Variants in KCNAB2 observed in about 807,000 individuals in gnomAD.
KCNAB2 encodes voltage-gated potassium channel subunit beta-2.
Under a neutral mutation model 63.6 loss-of-function variants are expected in KCNAB2, and 29 were observed. The ratio of observed to expected loss-of-function variants is 0.46; its 90% CI spans 0.34 to 0.62. KCNAB2 has a LOEUF of 0.62. Among genes scored for constraint, KCNAB2 ranks in the 20% least tolerant of loss-of-function variants. The pLI is 0.01. For missense variants in KCNAB2, 359 were observed against 563.9 expected (o/e 0.64, Z 3.68); for synonymous variants, 222 against 224.2 (o/e 0.99, Z 0.09).
chr1:6,057,536 G>A (rs1305454862), intron 2 of KCNAB2, among the ~76,000 whole-genome samples: 1 of 152,158 alleles, frequency 6.6e-6, no homozygotes, highest in African/African-American at 2.4e-5. Context: ...GGAAAGAGGG[G>A]TCCCCAAGGA....
At chr1:6,062,333 G>A (rs1373791730) in intron 2 of KCNAB2, among the ~76,000 whole-genome samples, 4 of 151,522 alleles carry the variant, frequency 2.6e-5, no homozygotes, top group Non-Finnish European at 4.4e-5. Flanking sequence ...AAAAAGTCCA[G>A]TGTCTCTAAA....
At chr1:6,076,291 T>C (rs952753787) in intron 4 of KCNAB2, among the ~76,000 whole-genome samples, 5 of 152,214 alleles carry the variant, frequency 3.3e-5, no homozygotes, top group African/African-American at 1.2e-4. Flanking sequence ...CCACAGTTTG[T>C]AGGACACCAT....
At chr1:5,998,668 C>T (rs112546409) in intron 1 of KCNAB2, among the ~76,000 whole-genome samples, 1 of 152,150 alleles carries the variant, frequency 6.6e-6, no homozygotes, top group East Asian at 1.9e-4. Flanking sequence ...CTGCTGCATC[C>T]GGTGGGCCAG....
At chr1:6,080,851 C>T (rs542979560) in intron 4 of KCNAB2, among the ~76,000 whole-genome samples, 42 of 152,326 alleles carry the variant, frequency 2.8e-4, no homozygotes, top group African/African-American at 8.2e-4. Flanking sequence ...AAAGGAGAGA[C>T]GCAGCCCTGT....
At chr1:6,077,647 TC>T (rs1415871356) in intron 4 of KCNAB2, among the ~76,000 whole-genome samples, 1 of 152,172 alleles carries the variant, frequency 6.6e-6, no homozygotes, top group East Asian at 1.9e-4. Context: ...GCCACCGTGC[TC>T]CGGAGCGGAG....
intron 5 of KCNAB2, among the ~76,000 whole-genome samples, chr1:6,082,572 T>C (rs116389665): frequency 6.6e-5 from 10 of 152,200 alleles, no homozygotes; most frequent in African/African-American, 2.4e-4. Context: ...TGTCCTGGGC[T>C]CTCCTGATGT....
intron 2 of KCNAB2, among the ~76,000 whole-genome samples, chr1:6,052,796 G>A (rs918189554): frequency 3.9e-5 from 6 of 152,254 alleles, no homozygotes; most frequent in African/African-American, 1.2e-4. Flanking sequence ...TCAGATAAAC[G>A]CGTAACTTTT....
chr1:6,056,685 C>A (rs902961403), intron 2 of KCNAB2, among the ~76,000 whole-genome samples: 29 of 152,236 alleles, frequency 1.9e-4, no homozygotes, highest in African/African-American at 6.3e-4. Flanking sequence ...ACTCGGACCC[C>A]TCTCCCTCCC....
In KCNAB2 at chr1:6,096,248, A is replaced by G; in HGVS notation, c.949-388A>G. 4.7e-6 allele frequency: 2 copies of G among 427,394 alleles called. No homozygotes were observed. The highest frequency in any genetic ancestry group is 2.7e-5 in the Admixed American group (1 of 37,444). The allele number at this position is 427,394 out of a possible 1,614,324, so 26.5% of individuals were successfully genotyped here. A position where few individuals can be genotyped will look rare whatever the true frequency, so the allele number is the denominator to read the frequency against. On this transcript the variant is annotated intron_variant, in intron 13 of 15. Transcript: ENST00000378083. The surrounding 1 kb of genome is among the most constrained non-coding windows in gnomAD (Gnocchi z 5.9). The stretch of plus-strand genomic sequence containing the variant: ...GAGGCCCTGCAATCCTCTGGGGGGG[A>G]TGGCCAGGGGAGAGAGCACTCCCCT...
Position 6,100,212 on chromosome 1 carries a change from C to G in KCNAB2, c.*1638C>G. The G allele has an allele frequency of 1.0e-6, 1 of 957,064 alleles. No individual in the cohort carries two copies. The highest frequency in any genetic ancestry group is 1.4e-6 in the Non-Finnish European group (1 of 692,618). 59.3% of individuals were successfully genotyped at this position (957,064 alleles called of 1,614,324 possible). On this transcript the variant is annotated 3_prime_UTR_variant, in exon 16 of 16. Coordinates refer to ENST00000378083, the MANE Select transcript of KCNAB2 (RefSeq NM_001199862.2). ...AGTCAGAAAGGCCAGCGGGGAGAGG[C>G]TGGGGCGAGGGGAGGAGGGGGATCA...
intron 12 of KCNAB2, 42 bp downstream of exon 12, chr1:6,095,485 T>G: frequency 1.3e-6 from 1 of 759,154 alleles, no homozygotes; most frequent in South Asian, 1.4e-5. Flanking sequence ...ACCCCACCCC[T>G]GCTCTCGGGC....
chr1:6,091,944 G>C (rs1167021604), intron 10 of KCNAB2, among the ~76,000 whole-genome samples: 1 of 152,174 alleles, frequency 6.6e-6, no homozygotes, highest in Admixed American at 6.5e-5. Context: ...CTGAAACCAG[G>C]GGGTGGCCTC....
intron 1 of KCNAB2, among the ~76,000 whole-genome samples, chr1:6,036,457 T>G (rs1304419602): frequency 6.6e-6 from 1 of 152,120 alleles, no homozygotes; most frequent in Non-Finnish European, 1.5e-5. Context: ...GAGCTGAGAT[T>G]GTGCCACTGT....
At position 6,078,400 on chromosome 1, in the gene KCNAB2, T is replaced by C. The variant is rs1306890602; in HGVS notation, c.301-3795T>C. On this transcript the variant is annotated intron_variant, in intron 4 of 15. Coordinates refer to ENST00000378083, the MANE Select transcript of KCNAB2 (RefSeq NM_001199862.2). The surrounding 1 kb of genome is among the most constrained non-coding windows in gnomAD (Gnocchi z 4.2). The stretch of plus-strand genomic sequence containing the variant: ...GGGACGTGATACCTTTGGAGAACCA[T>C]TATTTAGTTGACTGCAGAGAAGAAA... 4.0e-5 allele frequency among the ~76,000 whole-genome samples: 6 copies of C among 151,740 alleles called. No homozygotes were observed. The East Asian group carries it at 1.2e-3, about 29-fold the overall frequency.
intron 5 of KCNAB2, among the ~76,000 whole-genome samples, chr1:6,084,599 C>A (rs543584277): frequency 6.6e-6 from 1 of 152,070 alleles, no homozygotes; most frequent in Non-Finnish European, 1.5e-5. Flanking sequence ...GCGGATCACT[C>A]GAGATGAGGA....
At chr1:6,038,766 G>A (rs547884635) in intron 1 of KCNAB2, among the ~76,000 whole-genome samples, 7 of 152,320 alleles carry the variant, frequency 4.6e-5, no homozygotes, top group African/African-American at 9.6e-5. Flanking sequence ...TCCTGGTGAC[G>A]GGAGGTCACT....
intron 2 of KCNAB2, among the ~76,000 whole-genome samples, chr1:6,068,760 G>C (rs971641490): frequency 6.6e-6 from 1 of 152,180 alleles, no homozygotes; most frequent in South Asian, 2.1e-4. Context: ...GACTGAGGGG[G>C]AGCCTGATCC....
intron 1 of KCNAB2, among the ~76,000 whole-genome samples, chr1:6,019,277 G>A (rs1658684267): frequency 6.6e-6 from 1 of 152,138 alleles, no homozygotes; most frequent in Non-Finnish European, 1.5e-5. Context: ...GGGCAACAGA[G>A]TAAGTTCCCT....
chr1:6,083,890 C>G (rs913425073), intron 5 of KCNAB2, among the ~76,000 whole-genome samples: 2 of 152,246 alleles, frequency 1.3e-5, no homozygotes, highest in Non-Finnish European at 2.9e-5. Context: ...GCCAGAGCCA[C>G]AAGCCACAGG....
Sources: gnomAD v4.1 joint callset for allele counts (sites outside exome capture counted in the v4.1 genomes callset) on GRCh38, gnomAD v4.1.1 for gene constraint, Gnocchi (gnomAD v3.1) non-coding constraint, MANE v1.5 for transcripts, NCBI Gene and HGNC (gene_info 2026-07-23, HGNC 2026-07-21) for gene names.